The following LONP2 variants were observed in gnomAD, a reference collection of about 807,000 sequenced individuals.
LONP2 encodes lon peptidase 2, peroxisomal.
LONP2 carries 60 observed loss-of-function variants against 85.6 expected under a neutral mutation model. The observed-to-expected ratio is 0.70, with a 90% confidence interval of 0.57 to 0.87. LONP2 has a LOEUF of 0.87. Ranked by LOEUF, LONP2 falls within the 40% of genes least tolerant of loss-of-function variation. The pLI, the probability that LONP2 is intolerant of heterozygous loss-of-function variation, is 0.00. For missense variants in LONP2, 860 were observed against 1,063.5 expected (o/e 0.81, Z 2.66); for synonymous variants, 395 against 389.7 (o/e 1.01, Z -0.16).
chr16:48,313,094 C>G (rs1973069101), intron 11 of LONP2, among the ~76,000 whole-genome samples: 1 of 152,258 alleles, frequency 6.6e-6, no homozygotes, highest in South Asian at 2.1e-4. Flanking sequence ...CAGCTTTGTT[C>G]TTCTTCAGAA....
chr16:48,257,182 G>T (rs901154528), intron 3 of LONP2, among the ~76,000 whole-genome samples: 1 of 151,972 alleles, frequency 6.6e-6, no homozygotes, highest in African/African-American at 2.4e-5. Context: ...GTGGTGGTGC[G>T]CGCCTATAAT....
chr16:48,298,121 A>G (rs1241061193), intron 9 of LONP2, among the ~76,000 whole-genome samples: 1 of 152,234 alleles, frequency 6.6e-6, no homozygotes, highest in East Asian at 1.9e-4. Flanking sequence ...CATTAGATAC[A>G]CTAAAGTAAA....
chr16:48,299,633 A>G, intron 9 of LONP2, 29 bp from the exon 10 acceptor site: 1 of 1,586,644 alleles, frequency 6.3e-7, no homozygotes, highest in Non-Finnish European at 8.5e-7. Context: ...CATGTAAATA[A>G]TTACAAAACA....
At position 48,355,562 on chromosome 16, in the gene LONP2, C is replaced by CTGTT. The variant is rs1455239961; in HGVS notation, c.*3762_*3765dup. On this transcript the variant is annotated 3_prime_UTR_variant, in exon 15 of 15. Transcript: ENST00000285737. ...AAATGACTAAGACAACAGGATAATT[C>CTGTT]TGTTTAACTTTTTGAGAACTGCCAA... is the stretch of plus-strand genomic sequence containing the variant. The CTGTT allele has an allele frequency of 6.6e-6, 1 of 152,190 alleles. No individual in the cohort carries two copies. The highest frequency in any genetic ancestry group is 2.4e-5 in the African/African-American group (1 of 41,452). 9.4% of individuals were successfully genotyped at this position (152,190 alleles called of 1,614,324 possible).
At chr16:48,259,613 A>T (rs74016345) in intron 4 of LONP2, among the ~76,000 whole-genome samples, 1,864 of 152,350 alleles carry the variant, frequency 0.012, 39 homozygotes, top group African/African-American at 0.042. Flanking sequence ...AAGTCTTGTC[A>T]TCAAAGAGAA....
chr16:48,336,148 A>G (rs1480767774), intron 12 of LONP2, among the ~76,000 whole-genome samples: 1 of 152,228 alleles, frequency 6.6e-6, no homozygotes, highest in African/African-American at 2.4e-5. Context: ...TCTGTTGCAT[A>G]TACCCCTCTC....
intron 9 of LONP2, among the ~76,000 whole-genome samples, chr16:48,298,625 A>AGG (rs200746193): frequency 0.017 from 1,293 of 77,112 alleles, 10 homozygotes; most frequent in Middle Eastern, 0.024. Context: ...TATTTAATTG[A>AGG]GGTGTGTGTG....
At chr16:48,316,673 T>C (rs1973154037) in intron 11 of LONP2, among the ~76,000 whole-genome samples, 1 of 152,182 alleles carries the variant, frequency 6.6e-6, no homozygotes, top group Non-Finnish European at 1.5e-5. Flanking sequence ...TCCATTGATA[T>C]TTTCTATCTT....
rs1348541984 is a variant in LONP2 at position 48,356,715 on chromosome 16, G to A, written c.*4913G>A. On this transcript the variant is annotated 3_prime_UTR_variant, in exon 15 of 15. Transcript: ENST00000285737. ...AATAGACAACAGGCAAATATGGTGA[G>A]TGGTCATTGAGATGTTTTAAAAGTT... is the stretch of plus-strand genomic sequence containing the variant. 5.5e-6 allele frequency: 2 copies of A among 365,586 alleles called. No individual in the cohort carries two copies. The highest frequency in any genetic ancestry group is 1.1e-5 in the Non-Finnish European group (2 of 181,930). 22.6% of individuals were successfully genotyped at this position (365,586 alleles called of 1,614,324 possible).
At chr16:48,360,076 C>A (rs1960520664), downstream of LONP2, among the ~76,000 whole-genome samples, 1 of 152,208 alleles carries the variant, frequency 6.6e-6, no homozygotes, top group South Asian at 2.1e-4. Context: ...CATACCTGTA[C>A]CCCATTTAAA....
rs377497324 is a variant in LONP2, at chr16:48,270,018, C to T, written c.985C>T (p.Arg329Cys). ...ATTTCTGTTGGGTTATTTGACAGAC[C>T]GCCTGGACATTAGGGCAGCCCGGAT... The part of the protein sequence containing the change: ...ELPWNKSTTD[R>C]LDIRAARILL... The change falls in exon 7 of 15, where the codon CGC becomes TGC. Residue 329 changes from arginine to cysteine, a missense_variant and splice_region_variant. Around this residue, in one of 3 missense-constraint regions of LONP2, gnomAD observed 743 missense variants for 917.3 expected, o/e 0.81. Coordinates refer to ENST00000285737, the MANE Select transcript of LONP2 (RefSeq NM_031490.5). The T allele has an allele frequency of 1.3e-4, 203 of 1,611,820 alleles. No individual in the cohort carries two copies. Among genetic ancestry groups the T allele is most frequent in the Middle Eastern group, 3.3e-4 (2 of 6,060 alleles).
chr16:48,316,496 T>G (rs773409773), intron 11 of LONP2, among the ~76,000 whole-genome samples: 8 of 151,226 alleles, frequency 5.3e-5, no homozygotes, highest in Non-Finnish European at 8.8e-5. Context: ...CCGACCAATT[T>G]TTGTATTTTT....
At position 48,294,733 on chromosome 16, in the gene LONP2, CAAACAAAACA is replaced by C. The variant is rs374800451; in HGVS notation, c.1384-1263_1384-1254del. Among the ~76,000 whole-genome samples, 17 of 152,108 alleles carry C rather than the reference CAAACAAAACA, an allele frequency of 1.1e-4. No homozygotes were observed. The South Asian group carries it at 1.9e-3, about 17-fold the overall frequency. ...TTGGTGACAAAATGAGACTCTGTCT[CAAACAAAACA>C]AAACAAAACAAAACAAAAAACTAAC... On this transcript the variant is annotated intron_variant, in intron 8 of 14. Transcript: ENST00000285737.
At chr16:48,303,974 C>T (rs1271496789) in intron 11 of LONP2, among the ~76,000 whole-genome samples, 4 of 152,204 alleles carry the variant, frequency 2.6e-5, no homozygotes, top group South Asian at 4.1e-4. Context: ...GTCTGCCTCT[C>T]CTAGTCCGCT....
chr16:48,357,155 C>T lies in LONP2; in HGVS notation c.*5353C>T, dbSNP rs1960400302. On this transcript the variant is annotated 3_prime_UTR_variant, in exon 15 of 15. Transcript: ENST00000285737. ...CTTCCTCATTCCCTTACGCAGTGGA[C>T]ATCATACCCTTTTGTGGAGGAGGGA... 1 of 152,148 alleles carries T rather than the reference C, an allele frequency of 6.6e-6. No homozygotes were observed. The allele number at this position is 152,148 out of a possible 1,614,324, so 9.4% of individuals were successfully genotyped here.
Position 48,353,999 on chromosome 16 carries a change from G to GT in LONP2, c.*2207dup, listed in dbSNP as rs58132632. 2,113 of 124,540 alleles carry GT rather than the reference G, an allele frequency of 0.017. 64 individuals are homozygous for GT. The highest frequency in any genetic ancestry group is 0.062 in the African/African-American group (1,966 of 31,706). The allele number at this position is 124,540 out of a possible 1,614,324, so 7.7% of individuals were successfully genotyped here. A position where few individuals can be genotyped will look rare whatever the true frequency, so the allele number is the denominator to read the frequency against. On this transcript the variant is annotated 3_prime_UTR_variant, in exon 15 of 15. Transcript: ENST00000285737. Reference sequence around the variant, plus strand: ...ACTAGCTTTGTTTTTGGTTTGTTTTGTTTTTTTTTTAATTCCAGGGGTGGG... The same window carrying GT: ...ACTAGCTTTGTTTTTGGTTTGTTTTGTTTTTTTTTTTAATTCCAGGGGTGGG...
intron 1 of LONP2, among the ~76,000 whole-genome samples, chr16:48,250,687 G>A (rs1245295038): frequency 6.6e-6 from 1 of 152,160 alleles, no homozygotes; most frequent in Admixed American, 6.5e-5. Context: ...AAACAGGACT[G>A]TGAGCTCTTT....
chr16:48,278,747 TG>T (rs1972266382), intron 8 of LONP2, among the ~76,000 whole-genome samples: 1 of 152,196 alleles, frequency 6.6e-6, no homozygotes, highest in South Asian at 2.1e-4. Flanking sequence ...TGCCTTGGCA[TG>T]GGTTTCTTTT....
chr16:48,296,250 A>T (rs187300537), intron 9 of LONP2, 85 bp downstream of exon 9: 6 of 1,410,482 alleles, frequency 4.3e-6, no homozygotes, highest in Non-Finnish European at 5.8e-6. Context: ...TTTTGACTAA[A>T]AGAAGTTCAT....
Sources: allele counts gnomAD v4.1 joint callset (sites outside exome capture counted in the v4.1 genomes callset), GRCh38; gene constraint gnomAD v4.1.1; regional missense constraint gnomAD v4.1.1; transcripts MANE v1.5; gene names NCBI Gene and HGNC (gene_info 2026-07-23, HGNC 2026-07-21).